Variants in PAXIP1 observed in about 807,000 individuals in gnomAD.
The protein encoded by PAXIP1 is PAX interacting protein 1, also known as PAX-interacting protein 1.
Under a neutral mutation model 140.6 loss-of-function variants are expected in PAXIP1, and 19 were observed. The observed-to-expected ratio is 0.14, with a 90% CI of 0.09 to 0.20. The LOEUF (loss-of-function observed/expected upper bound fraction) is 0.20. Among genes scored for constraint, PAXIP1 ranks in the 10% least tolerant of loss-of-function variants. PAXIP1 has a pLI of 1.00. For missense variants in PAXIP1, 920 were observed against 1,208.6 expected, an observed-to-expected ratio of 0.76 and a Z score of 3.54; for synonymous variants, 442 against 444.6, an observed-to-expected ratio of 0.99 and a Z score of 0.07.
intron 16 of PAXIP1, among the ~76,000 whole-genome samples, chr7:154,953,239 T>G (rs559922370): frequency 2.9e-4 from 44 of 152,322 alleles, no homozygotes; most frequent in African/African-American, 1.0e-3. Context: ...CAGCTGTATC[T>G]TTCTGCTTAA....
chr7:154,962,848 T>G (rs1027271405), intron 9 of PAXIP1, among the ~76,000 whole-genome samples: 15 of 152,146 alleles, frequency 9.9e-5, no homozygotes, highest in South Asian at 6.2e-4. Flanking sequence ...AAAAAAAGTC[T>G]CAGAAGTATT....
At chr7:154,983,713 A>G (rs4960658) in intron 4 of PAXIP1, 40,383 of 169,926 alleles carry the variant, frequency 0.24, 5,871 homozygotes, top group Middle Eastern at 0.35. Flanking sequence ...AAATGTTTAA[A>G]TACAACAGCA....
intron 6 of PAXIP1, chr7:154,974,284 T>C: frequency 6.6e-6 from 1 of 152,306 alleles, no homozygotes; most frequent in African/African-American, 2.4e-5. Context: ...TTAAGGGGCC[T>C]CTCTGCTTCA....
chr7:155,002,786 G>T, intron 1 of PAXIP1, 63 bp downstream of exon 1: 5 of 951,492 alleles, frequency 5.3e-6, no homozygotes, highest in Non-Finnish European at 7.1e-6. Context: ...GGACGGGGAC[G>T]GGGACGGGGA....
chr7:154,985,382 C>T (rs1810023189), intron 4 of PAXIP1, among the ~76,000 whole-genome samples: 1 of 152,064 alleles, frequency 6.6e-6, no homozygotes, highest in Non-Finnish European at 1.5e-5. Context: ...AGTGTCCAGG[C>T]CCTTCCTGTC....
intron 6 of PAXIP1, among the ~76,000 whole-genome samples, chr7:154,969,945 A>C (rs1469563282): frequency 6.6e-6 from 1 of 152,138 alleles, no homozygotes; most frequent in African/African-American, 2.4e-5. Flanking sequence ...TTCAAACCAG[A>C]CTATTTGTCT....
At chr7:154,993,919 AT>A in intron 2 of PAXIP1, 150 bp from the exon 3 acceptor site, 1 of 620,380 alleles carries the variant, frequency 1.6e-6, no homozygotes, top group South Asian at 2.1e-5. Context: ...TAGAAATATT[AT>A]AGTCAAAGAT....
At chr7:154,994,403 C>A (rs6956613) in intron 2 of PAXIP1, among the ~76,000 whole-genome samples, 10,519 of 151,938 alleles carry the variant, frequency 0.069, 742 homozygotes, top group East Asian at 0.19. Flanking sequence ...TGTAGTAATG[C>A]CCCCATTACT....
rs1461259663 is a variant in PAXIP1, at chr7:154,946,415, A to AT, written c.3143dup (p.Asn1048LysfsTer17). On this transcript the variant is annotated frameshift_variant, in exon 20 of 21. Transcript: ENST00000404141. LOFTEE classifies it high-confidence loss of function. The surrounding 1 kb of genome is among the most constrained non-coding windows in gnomAD (Gnocchi z 4.9). ...GCACTCCAGTCAGAACGAACTCTGCATTGTGAACATCTGAACAGGGTGGAA... is the reference window on the plus strand; with the variant it reads ...GCACTCCAGTCAGAACGAACTCTGCATTTGTGAACATCTGAACAGGGTGGAA... The AT allele has an allele frequency of 6.2e-7, 1 of 1,613,850 alleles. No individual in the cohort carries two copies. Among genetic ancestry groups the AT allele is most frequent in the Non-Finnish European group, 8.5e-7 (1 of 1,179,702 alleles).
intron 13 of PAXIP1, among the ~76,000 whole-genome samples, chr7:154,959,417 C>T (rs942132758): frequency 1.3e-5 from 2 of 152,112 alleles, no homozygotes; most frequent in Non-Finnish European, 2.9e-5. Context: ...TGAAGTGGTC[C>T]TGTCTGTAAC....
rs1318875102 is a variant in PAXIP1 at position 154,968,543 on chromosome 7, G to C, written c.1658C>G (p.Thr553Arg). 2 of 744,028 alleles carry C rather than the reference G, an allele frequency of 2.7e-6. No homozygotes were observed. The highest frequency in any genetic ancestry group is 1.7e-5 in the African/African-American group (1 of 57,648). 46.1% of individuals were successfully genotyped at this position (744,028 alleles called of 1,614,324 possible). A position where few individuals can be genotyped will look rare whatever the true frequency, so the allele number is the denominator to read the frequency against. Reference sequence around the variant, plus strand: ...TGACGTCTGACTCAAGTGTGGCGCTGTCTGACTTTGCATCTGCTGCTGCTG... The same window carrying C: ...TGACGTCTGACTCAAGTGTGGCGCTCTCTGACTTTGCATCTGCTGCTGCTG... ...QQQQQQMQSQ[T>R]APHLSQTSQA... The change falls in exon 7 of 21, where the codon ACA (threonine) becomes AGA (arginine). Residue 553 changes from threonine (T) to arginine (R), a missense_variant. Thr to Arg is a moderately conservative substitution (Grantham distance 71, BLOSUM62 -1). This residue lies in a region of PAXIP1 where 133 missense variants were observed against 88.4 expected (regional missense o/e 1.50). Transcript: ENST00000404141.
Position 154,967,929 on chromosome 7 carries a change from A to C in PAXIP1, c.1799-19T>G. 1.3e-6 allele frequency: 2 copies of C among 1,554,336 alleles called. No homozygotes were observed. The highest frequency in any genetic ancestry group is 1.8e-6 in the Non-Finnish European group (2 of 1,132,462). ...TCTGGAACTAGAGTAAAATTACATA[A>C]GAAAAAGAAAATTAAAACCCTATGA... On this transcript the variant is annotated intron_variant, in intron 7 of 20. Coordinates refer to ENST00000404141, the MANE Select transcript of PAXIP1 (RefSeq NM_007349.4).
In PAXIP1 at chr7:154,961,403, A is replaced by G. The variant is rs1296830114; in HGVS notation, c.2249+124T>C. Reference sequence around the variant, plus strand: ...TACTATATCATTGTCATACTTTAACAGACTTTGATTTCCACAAATTTCTAC... The same window carrying G: ...TACTATATCATTGTCATACTTTAACGGACTTTGATTTCCACAAATTTCTAC... On this transcript the variant is annotated intron_variant, in intron 11 of 20. Transcript: ENST00000404141. 8.0e-6 allele frequency: 6 copies of G among 749,666 alleles called. No individual in the cohort carries two copies. In the East Asian group the frequency reaches 1.6e-4, roughly 20 times the overall value. 46.4% of individuals were successfully genotyped at this position (749,666 alleles called of 1,614,324 possible).
At chr7:154,948,860 T>A (rs1166447455) in intron 16 of PAXIP1, 1 of 152,096 alleles carries the variant, frequency 6.6e-6, no homozygotes, top group African/African-American at 2.4e-5. Flanking sequence ...ATTACCAAAC[T>A]TTAAAGATTT....
At chr7:154,947,664 A>G in intron 17 of PAXIP1, 2 of 434,260 alleles carry the variant, frequency 4.6e-6, no homozygotes, top group East Asian at 7.1e-5. Context: ...TATTTATTAA[A>G]TTTGTGTACT....
intron 16 of PAXIP1, chr7:154,948,970 T>G (rs2150738887): frequency 6.6e-6 from 1 of 152,240 alleles, no homozygotes; most frequent in African/African-American, 2.4e-5. Context: ...AATTGACAGA[T>G]TTTCAGTTTT....
chr7:154,955,440 T>C (rs745708976), intron 15 of PAXIP1, 89 bp downstream of exon 15: 7 of 747,624 alleles, frequency 9.4e-6, no homozygotes, highest in African/African-American at 5.3e-5. Context: ...ATCTAAACTA[T>C]GTAAGTTAAT....
intron 2 of PAXIP1, among the ~76,000 whole-genome samples, chr7:154,994,575 G>C (rs569255399): frequency 6.6e-6 from 1 of 152,254 alleles, no homozygotes; most frequent in African/African-American, 2.4e-5. Flanking sequence ...AACGAGAAAC[G>C]CAGTCTTTGC....
chr7:154,946,285 A>G lies in PAXIP1; in HGVS notation c.3194+80T>C. ...AAGGAAAAATGGCTTGCAAAACAGG[A>G]AAGGTACTGCCTTATTAACCTGGGA... On this transcript the variant is annotated intron_variant, in intron 20 of 20. Transcript: ENST00000404141. The surrounding 1 kb of genome is among the most constrained non-coding windows in gnomAD (Gnocchi z 4.9). 1.3e-6 allele frequency: 2 copies of G among 1,598,890 alleles called. No homozygotes were observed. The highest frequency in any genetic ancestry group is 3.4e-5 in the Admixed American group (2 of 58,180).
Sources: allele counts gnomAD v4.1 joint callset (sites outside exome capture counted in the v4.1 genomes callset), GRCh38; gene constraint gnomAD v4.1.1; regional missense constraint gnomAD v4.1.1; non-coding constraint Gnocchi (gnomAD v3.1); transcripts MANE v1.5; gene names NCBI Gene and HGNC (gene_info 2026-07-23, HGNC 2026-07-21).